The following SEMA3D variants were observed in gnomAD, a reference collection of about 807,000 sequenced individuals.
The protein encoded by SEMA3D is semaphorin 3D.
A neutral mutation model predicts 100.1 loss-of-function variants in SEMA3D; 84 were observed. The observed-to-expected ratio is 0.84, with a 90% CI of 0.70 to 1.01. The LOEUF is 1.01. Among genes scored for constraint, SEMA3D ranks in the 50% least tolerant of loss-of-function variants. The probability of loss-of-function intolerance (pLI) is 0.00; values close to 1 mark genes in which losing one functional copy is unlikely to be tolerated. For synonymous variants in SEMA3D, 312 were observed against 320.7 expected, an observed-to-expected ratio of 0.97 and a Z score of 0.29; for missense variants, 875 against 934.1, an observed-to-expected ratio of 0.94 and a Z score of 0.82.
chr7:85,180,482 A>C (rs1157397376), intron 1 of SEMA3D, among the ~76,000 whole-genome samples: 1 of 152,204 alleles, frequency 6.6e-6, no homozygotes, highest in African/African-American at 2.4e-5. Context: ...ACACCAGAGA[A>C]TGGTTCACTA....
upstream of SEMA3D, among the ~76,000 whole-genome samples, chr7:85,189,868 T>G (rs966298219): frequency 6.6e-6 from 1 of 152,168 alleles, no homozygotes. Context: ...AAATACACTA[T>G]TTCTCAAAGG....
intron 5 of SEMA3D, among the ~76,000 whole-genome samples, chr7:85,077,351 G>T (rs1187876628): frequency 1.3e-5 from 2 of 151,828 alleles, no homozygotes; most frequent in African/African-American, 4.8e-5. Context: ...TAAAGAATAT[G>T]TTTTTCACGA....
In SEMA3D at chr7:85,097,990, A is replaced by AAAGGAGAAAGAAAAAAGAAAGAAAG. The variant is rs1338645561; in HGVS notation, c.152-50_152-26dup. On this transcript the variant is annotated intron_variant, in intron 3 of 18. Transcript: ENST00000284136. ...TCTATGGAAAGCAAAAAAAGAAAAG[A>AAAGGAGAAAGAAAAAAGAAAGAAAG]AAGGAGAAAGAAAAAAGAAAGAAAG... 4 of 1,329,634 alleles carry AAAGGAGAAAGAAAAAAGAAAGAAAG rather than the reference A, an allele frequency of 3.0e-6. No homozygotes were observed. The African/African-American group carries it at 6.0e-5, about 20-fold the overall frequency. 82.4% of individuals were successfully genotyped at this position (1,329,634 alleles called of 1,614,324 possible). A position where few individuals can be genotyped will look rare whatever the true frequency, so the allele number is the denominator to read the frequency against.
At chr7:85,200,426 G>C in the SEMA3D span, among the ~76,000 whole-genome samples, 1 of 152,184 alleles carries the variant, frequency 6.6e-6, no homozygotes, top group East Asian at 1.9e-4. Context: ...TTTTAGCAAA[G>C]AGCCTGGTAG....
intron 16 of SEMA3D, among the ~76,000 whole-genome samples, chr7:85,014,675 T>C (rs1790047694): frequency 6.6e-6 from 1 of 151,732 alleles, no homozygotes; most frequent in African/African-American, 2.4e-5. Context: ...CATATATATT[T>C]ATATATTATT....
At chr7:85,209,276 G>A in the SEMA3D span, among the ~76,000 whole-genome samples, 22 of 151,678 alleles carry the variant, frequency 1.5e-4, no homozygotes, top group African/African-American at 3.6e-4. Flanking sequence ...ATATATATAC[G>A]TGTGTGTATA....
Position 85,073,084 on chromosome 7 carries a change from G to C in SEMA3D, c.376-3C>G. Reference sequence around the variant, plus strand: ...CTGATGAAATTTGCACATTCTGTCTGTTGGGCACAAAAATTAAAAGCATTA... The same window carrying C: ...CTGATGAAATTTGCACATTCTGTCTCTTGGGCACAAAAATTAAAAGCATTA... On this transcript the variant is annotated splice_polypyrimidine_tract_variant and splice_region_variant and intron_variant, in intron 5 of 18. Coordinates refer to ENST00000284136, the MANE Select transcript of SEMA3D (RefSeq NM_001384900.1). 6.2e-7 allele frequency: 1 copy of C among 1,611,266 alleles called. No individual in the cohort carries two copies. The highest frequency in any genetic ancestry group is 8.5e-7 in the Non-Finnish European group (1 of 1,179,158).
intron 3 of SEMA3D, among the ~76,000 whole-genome samples, chr7:85,104,305 G>A (rs1338123302): frequency 2.6e-5 from 4 of 151,912 alleles, no homozygotes; most frequent in East Asian, 1.9e-4. Flanking sequence ...TTGTGACAAA[G>A]GACAACCATA....
chr7:85,170,746 C>T (rs1474736869), intron 1 of SEMA3D, among the ~76,000 whole-genome samples: 2 of 151,986 alleles, frequency 1.3e-5, no homozygotes, highest in African/African-American at 2.4e-5. Flanking sequence ...GACACTAACT[C>T]TTGGGTTATT....
At chr7:85,020,402 C>T in intron 13 of SEMA3D, 81 bp from the exon 14 acceptor site, 2 of 900,014 alleles carry the variant, frequency 2.2e-6, no homozygotes, top group Non-Finnish European at 3.6e-6. Flanking sequence ...ACCTGCAAAT[C>T]ATTCCCCTCA....
Position 85,171,477 on chromosome 7 carries a change from T to C in SEMA3D, c.-173+15201A>G, listed in dbSNP as rs561288704. On this transcript the variant is annotated intron_variant, in intron 1 of 18. Coordinates refer to ENST00000284136, the MANE Select transcript of SEMA3D (RefSeq NM_001384900.1). ...AAAATAAGAACCCACATGATAGTCC[T>C]AGGATTGTTCCATCTTCCCTACCTG... is the stretch of plus-strand genomic sequence containing the variant. Among the ~76,000 whole-genome samples, 16 of 152,062 alleles carry C rather than the reference T, an allele frequency of 1.1e-4. No homozygotes were observed. The East Asian group carries it at 2.9e-3, about 28-fold the overall frequency.
At chr7:85,146,959 G>A (rs1417545798) in intron 2 of SEMA3D, among the ~76,000 whole-genome samples, 6 of 151,906 alleles carry the variant, frequency 3.9e-5, no homozygotes, top group African/African-American at 9.7e-5. Context: ...TAAGTGAACC[G>A]GAAAAACATA....
At position 85,022,550 on chromosome 7, in the gene SEMA3D, T is replaced by C; in HGVS notation, c.1255A>G (p.Ser419Gly). 6.2e-7 allele frequency: 1 copy of C among 1,612,606 alleles called. No homozygotes were observed. The highest frequency in any genetic ancestry group is 8.5e-7 in the Non-Finnish European group (1 of 1,179,010). The change falls in exon 13 of 19, where the codon AGT (serine) becomes GGT (glycine). Residue 419 changes from serine to glycine, a missense_variant. Coordinates refer to ENST00000284136, the MANE Select transcript of SEMA3D (RefSeq NM_001384900.1). Reference sequence around the variant, plus strand: ...ATCACAGAGTGCCGCTTTATGAAACTGATGACATCATCTGGAAAATCTCGG... The same window carrying C: ...ATCACAGAGTGCCGCTTTATGAAACCGATGACATCATCTGGAAAATCTCGG... ...STRDFPDDVI[S>G]FIKRHSVMYK...
At chr7:85,180,951 G>C (rs1438099916) in intron 1 of SEMA3D, among the ~76,000 whole-genome samples, 2 of 152,132 alleles carry the variant, frequency 1.3e-5, no homozygotes, top group Non-Finnish European at 2.9e-5. Context: ...TACTGATCAG[G>C]TATTTTGTAG....
chr7:85,129,947 G>C (rs1789676083), intron 2 of SEMA3D, among the ~76,000 whole-genome samples: 1 of 151,950 alleles, frequency 6.6e-6, no homozygotes, highest in Non-Finnish European at 1.5e-5. Flanking sequence ...CACTTATAAT[G>C]AGTTAAATGA....
chr7:85,093,282 C>T (rs563955073), intron 4 of SEMA3D, among the ~76,000 whole-genome samples: 12 of 151,942 alleles, frequency 7.9e-5, no homozygotes, highest in African/African-American at 2.7e-4. Context: ...CCCTCCTTTC[C>T]TTGCAAGTTT....
At chr7:85,242,210 G>A in the SEMA3D span, among the ~76,000 whole-genome samples, 800 of 151,446 alleles carry the variant, frequency 5.3e-3, 31 homozygotes, top group East Asian at 0.081. Flanking sequence ...TATCTTCTTC[G>A]GCTTACATTG....
chr7:85,238,902 AC>A, the SEMA3D span, among the ~76,000 whole-genome samples: 1 of 152,110 alleles, frequency 6.6e-6, no homozygotes, highest in Non-Finnish European at 1.5e-5. Context: ...TAGATCTTGT[AC>A]ATAGTTTTTT....
At chr7:85,239,035 G>A in the SEMA3D span, among the ~76,000 whole-genome samples, 2 of 151,986 alleles carry the variant, frequency 1.3e-5, no homozygotes, top group African/African-American at 2.4e-5. Flanking sequence ...ATTATTTATT[G>A]CATTCTCGTT....
Sources: allele counts gnomAD v4.1 joint callset (sites outside exome capture counted in the v4.1 genomes callset), GRCh38; gene constraint gnomAD v4.1.1; transcripts MANE v1.5; gene names NCBI Gene and HGNC (gene_info 2026-07-23, HGNC 2026-07-21).